The following NUP107 variants were observed in gnomAD, a reference collection of about 807,000 sequenced individuals.
NUP107 encodes nuclear pore complex protein Nup107.
Under a neutral mutation model 141.0 loss-of-function variants are expected in NUP107, and 101 were observed. The ratio of observed to expected loss-of-function variants is 0.72; its 90% confidence interval spans 0.61 to 0.84. The LOEUF (loss-of-function observed/expected upper bound fraction) is 0.84, where lower values mean the gene tolerates loss of function less well. NUP107 is among the 40% of genes least tolerant of loss of function. NUP107 has a pLI of 0.00. For missense variants in NUP107, 941 were observed against 1,102.7 expected, an observed-to-expected ratio of 0.85 and a Z score of 2.08; for synonymous variants, 319 against 363.9, an observed-to-expected ratio of 0.88 and a Z score of 1.41.
intron 11 of NUP107, chr12:68,714,521 G>T (rs1419078933): frequency 2.0e-5 from 3 of 152,176 alleles, no homozygotes; most frequent in African/African-American, 7.2e-5. Flanking sequence ...TGAATTATGT[G>T]TTTGCAAAAT....
At chr12:68,694,497 GAA>G (rs1054262508) in intron 5 of NUP107, among the ~76,000 whole-genome samples, 4 of 152,158 alleles carry the variant, frequency 2.6e-5, no homozygotes, top group African/African-American at 4.8e-5. Context: ...CAGAATGAGA[GAA>G]AATATTTGCA....
chr12:68,721,727 G>T (rs1021203626), intron 15 of NUP107, 114 bp from the exon 16 acceptor site: 3 of 1,032,278 alleles, frequency 2.9e-6, no homozygotes, highest in African/African-American at 3.2e-5. Flanking sequence ...AAAATCTGCC[G>T]TGTTTTATAT....
At position 68,709,258 on chromosome 12, in the gene NUP107, AAC is replaced by A. The variant is rs1489030665; in HGVS notation, c.752_753del (p.Thr251SerfsTer29). On this transcript the variant is annotated frameshift_variant, in exon 9 of 28. Coordinates refer to ENST00000229179, the MANE Select transcript of NUP107 (RefSeq NM_020401.4). LOFTEE classifies it high-confidence loss of function. ...AVTAVNASEK[T>X]VVEALFQRDS... ...AATAGGCTGTTAATGCCAGTGAAAA[AAC>A]AGTTGTGGAAGCGTTATTTCAGAGG... 1 of 1,602,864 alleles carries A rather than the reference AAC, an allele frequency of 6.2e-7. No individual in the cohort carries two copies. The highest frequency in any genetic ancestry group is 8.5e-7 in the Non-Finnish European group (1 of 1,175,728).
At position 68,715,758 on chromosome 12, in the gene NUP107, T is replaced by C; in HGVS notation, c.1083+18T>C. Reference sequence around the variant, plus strand: ...CAGAAGAGGTCAGTCATGTATACCCTTCTTGTCTAATTTCAAAAAGTCATA... The same window carrying C: ...CAGAAGAGGTCAGTCATGTATACCCCTCTTGTCTAATTTCAAAAAGTCATA... On this transcript the variant is annotated intron_variant, in intron 12 of 27. Transcript: ENST00000229179. 1 of 1,464,800 alleles carries C rather than the reference T, an allele frequency of 6.8e-7. No homozygotes were observed. The highest frequency in any genetic ancestry group is 9.5e-7 in the Non-Finnish European group (1 of 1,052,188). The allele number at this position is 1,464,800 out of a possible 1,614,324, so 90.7% of individuals were successfully genotyped here. A position where few individuals can be genotyped will look rare whatever the true frequency, so the allele number is the denominator to read the frequency against.
chr12:68,706,954 C>T (rs1283622508), intron 8 of NUP107: 12 of 662,098 alleles, frequency 1.8e-5, no homozygotes, highest in East Asian at 2.7e-5. Flanking sequence ...CCAGCTTTGG[C>T]TCTGGTGCGG....
At chr12:68,694,934 T>C (rs935867398) in intron 5 of NUP107, among the ~76,000 whole-genome samples, 10 of 151,946 alleles carry the variant, frequency 6.6e-5, no homozygotes, top group Non-Finnish European at 2.9e-5. Context: ...AGAAATAGAA[T>C]AGACACTGTT....
At position 68,732,719 on chromosome 12, in the gene NUP107, C is replaced by T. The variant is rs772520278; in HGVS notation, c.2081C>T (p.Ala694Val). 6.2e-6 allele frequency: 10 copies of T among 1,601,506 alleles called. No homozygotes were observed. The highest frequency in any genetic ancestry group is 2.7e-5 in the African/African-American group (2 of 74,654). The change falls in exon 23 of 28, where the codon GCA (alanine) becomes GTA (valine). Residue 694 changes from alanine (A) to valine (V), a missense_variant. Ala to Val is a moderately conservative substitution (Grantham distance 64). Coordinates refer to ENST00000229179, the MANE Select transcript of NUP107 (RefSeq NM_020401.4). ...GCAGAAGCACTGAAACAAGGCAATGCAATTATGAGAAAATTCTTGGGTATA... is the reference window on the plus strand; with the variant it reads ...GCAGAAGCACTGAAACAAGGCAATGTAATTATGAGAAAATTCTTGGGTATA... ...QRAEALKQGN[A>V]IMRKFLASKK...
chr12:68,692,187 C>T (rs1875830266), intron 5 of NUP107, 75 bp downstream of exon 5: 1 of 1,350,306 alleles, frequency 7.4e-7, no homozygotes, highest in Non-Finnish European at 1.0e-6. Context: ...CTTCCTGTTT[C>T]TGAACGTCAT....
At chr12:68,722,487 A>G (rs894193295) in intron 17 of NUP107, among the ~76,000 whole-genome samples, 4 of 152,124 alleles carry the variant, frequency 2.6e-5, no homozygotes, top group Admixed American at 2.6e-4. Context: ...AAAATGCTTA[A>G]ACAACTGTAG....
intron 10 of NUP107, among the ~76,000 whole-genome samples, chr12:68,711,331 A>G (rs992105710): frequency 1.3e-5 from 2 of 152,154 alleles, no homozygotes; most frequent in African/African-American, 4.8e-5. Flanking sequence ...AGCCTGGGTG[A>G]CAGAGTGAGA....
chr12:68,700,203 C>T (rs1876262242), intron 6 of NUP107, among the ~76,000 whole-genome samples: 1 of 152,108 alleles, frequency 6.6e-6, no homozygotes, highest in Non-Finnish European at 1.5e-5. Context: ...CACGCCCAGC[C>T]TCTGAAAAGG....
At chr12:68,726,646 T>G in intron 19 of NUP107, 29 bp downstream of exon 19, 1 of 1,347,554 alleles carries the variant, frequency 7.4e-7, no homozygotes, top group African/African-American at 1.4e-5. Context: ...TTTCTTCTTC[T>G]CTGTAATGTT....
chr12:68,728,048 A>G (rs958680867), intron 20 of NUP107, among the ~76,000 whole-genome samples: 5 of 152,182 alleles, frequency 3.3e-5, no homozygotes, highest in African/African-American at 7.2e-5. Flanking sequence ...TTTGGGAGGC[A>G]GAGGCGAGAG....
chr12:68,715,664 A>G lies in NUP107; in HGVS notation c.1007A>G (p.Asp336Gly). 7 of 1,613,356 alleles carry G rather than the reference A, an allele frequency of 4.3e-6. No individual in the cohort carries two copies. The highest frequency in any genetic ancestry group is 1.1e-5 in the South Asian group (1 of 91,066). ...CCCATAAGACAGAAAATGCCCCTTG[A>G]TGATCTGGATAGAGAAGATGAAGTT... ...DAPIRQKMPL[D>G]DLDREDEVRL... is the part of the protein sequence containing the mutation. Residue 336 changes from aspartate (D) to glycine (G), a missense_variant, in exon 12 of 28, where the codon GAT (aspartate) becomes GGT (glycine). Asp to Gly is a moderately conservative substitution (Grantham distance 94). Coordinates refer to ENST00000229179, the MANE Select transcript of NUP107 (RefSeq NM_020401.4).
rs1364981331 is a variant in NUP107 at position 68,712,618 on chromosome 12, G to GT, written c.891-1101dup. On this transcript the variant is annotated intron_variant, in intron 10 of 27. Transcript: ENST00000229179. ...GGAAGTTTTCATTTTCAGAAAATAAGTTTTTTTTTTTGTTTTTTGTTTTTT... is the reference window on the plus strand; with the variant it reads ...GGAAGTTTTCATTTTCAGAAAATAAGTTTTTTTTTTTTGTTTTTTGTTTTTT... Among the ~76,000 whole-genome samples the GT allele has an allele frequency of 1.9e-3, 260 of 137,602 alleles. 2 individuals are homozygous for GT. The highest frequency in any genetic ancestry group is 1.7e-3 in the East Asian group (8 of 4,622). The allele number at this position is 137,602 out of a possible 152,430, so 90.3% of individuals were successfully genotyped here. A position where few individuals can be genotyped will look rare whatever the true frequency, so the allele number is the denominator to read the frequency against.
At chr12:68,700,999 A>C (rs973707602) in intron 7 of NUP107, 146 bp downstream of exon 7, 1 of 737,782 alleles carries the variant, frequency 1.4e-6, no homozygotes, top group African/African-American at 1.8e-5. Context: ...AGTTGTCAAG[A>C]GTGAGTCAAG....
intron 5 of NUP107, among the ~76,000 whole-genome samples, chr12:68,693,687 T>C (rs1355873068): frequency 2.0e-5 from 3 of 152,228 alleles, no homozygotes; most frequent in African/African-American, 7.2e-5. Context: ...CAATGGTATT[T>C]GATACAGTAT....
chr12:68,692,646 A>G (rs1490049217), intron 5 of NUP107, among the ~76,000 whole-genome samples: 1 of 151,506 alleles, frequency 6.6e-6, no homozygotes, highest in Non-Finnish European at 1.5e-5. Context: ...GCAGTGGCAC[A>G]ATCATGGCTC....
Position 68,735,338 on chromosome 12 carries a change from TAGAG to T in NUP107, c.2499_2502del (p.Glu834MetfsTer15), listed in dbSNP as rs746220598. ...TTGATGGAGGGTGGATGGTGGATGT[TAGAG>T]AGGTAAGCTGTGTGCATTGTTTATA... On this transcript the variant is annotated frameshift_variant and splice_region_variant, in exon 26 of 28. Transcript: ENST00000229179. LOFTEE classifies it high-confidence loss of function. The T allele has an allele frequency of 6.2e-7, 1 of 1,612,038 alleles. No homozygotes were observed. The highest frequency in any genetic ancestry group is 1.1e-5 in the South Asian group (1 of 91,036).
Sources: allele counts gnomAD v4.1 joint callset (sites outside exome capture counted in the v4.1 genomes callset), GRCh38; gene constraint gnomAD v4.1.1; transcripts MANE v1.5; gene names NCBI Gene and HGNC (gene_info 2026-07-23, HGNC 2026-07-21).